BNC2: variants seen among roughly 807,000 people sequenced by gnomAD.
BNC2 encodes the protein zinc finger protein basonuclin-2.
In BNC2, 20 loss-of-function variants were observed where a neutral mutation model predicts 76.3. That is an observed-to-expected ratio of 0.26 (90% CI 0.18 to 0.38). The LOEUF is 0.38. Among genes scored for constraint, BNC2 ranks in the 10% least tolerant of loss-of-function variants. BNC2 has a pLI of 1.00. For missense variants in BNC2, 1,382 were observed against 1,399.8 expected, an observed-to-expected ratio of 0.99 and a Z score of 0.20; for synonymous variants, 582 against 514.8, an observed-to-expected ratio of 1.13 and a Z score of -1.77.
chr9:16,691,297 T>C (rs1823153082), intron 3 of BNC2, among the ~76,000 whole-genome samples: 1 of 152,168 alleles, frequency 6.6e-6, no homozygotes, highest in African/African-American at 2.4e-5. Flanking sequence ...CCTATCACTA[T>C]GGTCTCCCTC....
chr9:16,558,685 C>T (rs1818915060), intron 4 of BNC2, among the ~76,000 whole-genome samples: 1 of 152,132 alleles, frequency 6.6e-6, no homozygotes, highest in Admixed American at 6.6e-5. Context: ...CATCCCAGCA[C>T]TTTGGGAGGT....
chr9:16,719,800 C>T (rs1370163016), intron 3 of BNC2, among the ~76,000 whole-genome samples: 2 of 152,096 alleles, frequency 1.3e-5, no homozygotes, highest in Non-Finnish European at 2.9e-5. Flanking sequence ...CTGGTCCTAC[C>T]ATCATTTCAA....
intron 5 of BNC2, among the ~76,000 whole-genome samples, chr9:16,438,081 C>T (rs1276277005): frequency 1.3e-5 from 2 of 152,040 alleles, no homozygotes; most frequent in Non-Finnish European, 2.9e-5. Context: ...AGTAGCACTA[C>T]CCCTCATACC....
At chr9:16,600,131 C>G (rs540951487) in intron 3 of BNC2, among the ~76,000 whole-genome samples, 67 of 152,322 alleles carry the variant, frequency 4.4e-4, no homozygotes, top group African/African-American at 1.5e-3. Context: ...ATTTATGACA[C>G]TGAACATCAG....
chr9:16,553,720 C>A (rs1418445620), intron 4 of BNC2, among the ~76,000 whole-genome samples: 1 of 152,164 alleles, frequency 6.6e-6, no homozygotes, highest in African/African-American at 2.4e-5. Flanking sequence ...AACGCCATCT[C>A]TTCTCTAGAA....
At chr9:16,753,804 A>G (rs1158023712) in intron 1 of BNC2, among the ~76,000 whole-genome samples, 1 of 152,224 alleles carries the variant, frequency 6.6e-6, no homozygotes, top group African/African-American at 2.4e-5. Flanking sequence ...ACTTCAAAAT[A>G]AACTTTAAAA....
At position 16,410,189 on chromosome 9, in the gene BNC2, C is replaced by T. The variant is rs1820431444; in HGVS notation, c.*8800G>A. On this transcript the variant is annotated 3_prime_UTR_variant, in exon 7 of 7. Coordinates refer to ENST00000380672, the MANE Select transcript of BNC2 (RefSeq NM_017637.6). ...GGAGAGAACAGAGAACTGGCTTTCC[C>T]AGATCCCCAACCAGCCCCTTCCCCT... 6.6e-6 allele frequency: 1 copy of T among 152,206 alleles called. No individual in the cohort carries two copies. The highest frequency in any genetic ancestry group is 1.5e-5 in the Non-Finnish European group (1 of 68,052). The allele number at this position is 152,206 out of a possible 1,614,324, so 9.4% of individuals were successfully genotyped here.
chr9:16,613,209 A>G (rs1265271083), intron 3 of BNC2, among the ~76,000 whole-genome samples: 1 of 152,182 alleles, frequency 6.6e-6, no homozygotes, highest in East Asian at 1.9e-4. Context: ...TAATTATTAG[A>G]GCCTGTATGC....
intron 5 of BNC2, among the ~76,000 whole-genome samples, chr9:16,540,849 A>C (rs1563831495): frequency 6.6e-6 from 1 of 152,204 alleles, no homozygotes; most frequent in African/African-American, 2.4e-5. Flanking sequence ...TCAGTGCTGC[A>C]AGGGAAAAAG....
chr9:16,472,624 C>G (rs10118670), intron 5 of BNC2, among the ~76,000 whole-genome samples: 29,679 of 152,112 alleles, frequency 0.2, 3,331 homozygotes, highest in African/African-American at 0.3. Context: ...CTTCTAAAAT[C>G]CAAGAATGGT....
chr9:16,788,949 T>A (rs1817424145), intron 1 of BNC2, among the ~76,000 whole-genome samples: 1 of 152,146 alleles, frequency 6.6e-6, no homozygotes, highest in Non-Finnish European at 1.5e-5. Context: ...CTCTATTCCC[T>A]CTACTCCATT....
chr9:16,572,466 G>C (rs1311045422), intron 4 of BNC2, among the ~76,000 whole-genome samples: 1 of 152,166 alleles, frequency 6.6e-6, no homozygotes, highest in Admixed American at 6.5e-5. Flanking sequence ...CATAAGCTTA[G>C]AGTTTCAATA....
At chr9:16,736,300 C>T (rs921816268) in intron 2 of BNC2, among the ~76,000 whole-genome samples, 4 of 151,252 alleles carry the variant, frequency 2.6e-5, no homozygotes. Context: ...AGAAACTCAA[C>T]ACTGCCTTTA....
intron 5 of BNC2, among the ~76,000 whole-genome samples, chr9:16,551,980 G>A (rs1243989117): frequency 6.6e-6 from 1 of 152,164 alleles, no homozygotes; most frequent in African/African-American, 2.4e-5. Flanking sequence ...TCAGAAGGTA[G>A]AAATCTGAAG....
chr9:16,613,743 G>C (rs1000942643), intron 3 of BNC2, among the ~76,000 whole-genome samples: 2 of 152,106 alleles, frequency 1.3e-5, no homozygotes, highest in East Asian at 3.9e-4. Context: ...AGAAATCCTG[G>C]GTAACCAGGA....
chr9:16,525,012 G>C (rs1817750216), intron 5 of BNC2, among the ~76,000 whole-genome samples: 1 of 150,468 alleles, frequency 6.6e-6, no homozygotes, highest in Non-Finnish European at 1.5e-5. Context: ...GGTCAAAGCT[G>C]CAGTGAGCTG....
At chr9:16,649,654 A>T (rs1821737214) in intron 3 of BNC2, among the ~76,000 whole-genome samples, 1 of 152,202 alleles carries the variant, frequency 6.6e-6, no homozygotes, top group Admixed American at 6.5e-5. Flanking sequence ...TAATCTTAAA[A>T]TCTTATTTTA....
At chr9:16,789,392 G>C (rs982791823) in intron 1 of BNC2, among the ~76,000 whole-genome samples, 1 of 151,998 alleles carries the variant, frequency 6.6e-6, no homozygotes, top group Non-Finnish European at 1.5e-5. Context: ...AAAGAAACTA[G>C]GGGAAAACCC....
chr9:16,566,044 T>G (rs980831421), intron 4 of BNC2, among the ~76,000 whole-genome samples: 36 of 152,160 alleles, frequency 2.4e-4, no homozygotes, highest in African/African-American at 8.7e-4. Flanking sequence ...TTCAAGTGTC[T>G]TTCTTCTTTC....
Sources: allele counts gnomAD v4.1 joint callset (sites outside exome capture counted in the v4.1 genomes callset), GRCh38; gene constraint gnomAD v4.1.1; transcripts MANE v1.5; gene names NCBI Gene and HGNC (gene_info 2026-07-23, HGNC 2026-07-21).